The following GRIA3 variants were observed in gnomAD, a reference collection of about 807,000 sequenced individuals.
GRIA3 encodes glutamate receptor 3.
GRIA3 carries 3 observed loss-of-function variants against 63.0 expected under a neutral mutation model. The ratio of observed to expected loss-of-function variants is 0.05; its 90% confidence interval spans 0.02 to 0.12. The LOEUF is 0.12. GRIA3 is among the 10% of genes least tolerant of loss of function. The probability of loss-of-function intolerance (pLI) is 1.00; values close to 1 mark genes in which losing one functional copy is unlikely to be tolerated. For missense variants in GRIA3, 347 were observed against 700.9 expected (o/e 0.50, Z 5.70); for synonymous variants, 274 against 257.9 (o/e 1.06, Z -0.60).
chrX:123,187,882 T>C (rs1927321929), intron 2 of GRIA3, among the ~76,000 whole-genome samples: 1 of 111,369 alleles, frequency 9.0e-6, no homozygotes, highest in Admixed American at 9.5e-5. Context: ...AAGTCATCCA[T>C]ATTGGTATTG....
At chrX:123,242,000 C>T (rs2044332514) in intron 2 of GRIA3, among the ~76,000 whole-genome samples, 1 of 110,983 alleles carries the variant, frequency 9.0e-6, no homozygotes, top group African/African-American at 3.3e-5. Context: ...GGGATGGACC[C>T]ACCTGCCAAT....
intron 3 of GRIA3, among the ~76,000 whole-genome samples, chrX:123,314,331 C>T (rs2044817851): frequency 1.8e-5 from 2 of 112,425 alleles, no homozygotes; most frequent in African/African-American, 6.5e-5. Flanking sequence ...ATGACTCCTG[C>T]CCTCTGTGAG....
intron 5 of GRIA3, among the ~76,000 whole-genome samples, chrX:123,372,874 T>C (rs1459180106): frequency 9.0e-6 from 1 of 110,674 alleles, no homozygotes; most frequent in Non-Finnish European, 1.9e-5. Flanking sequence ...TATTTCTTTT[T>C]TTTTTCTTTT....
rs748083347 is a variant in GRIA3 at position 123,347,451 on chromosome X, A to G, written c.697-7459A>G. ...GAGATATTTACTTTTATTCGAAAAT[A>G]TAAACATGTTCACTCACTTCTTTCA... On this transcript the variant is annotated intron_variant, in intron 4 of 15. Coordinates refer to ENST00000620443, the MANE Select transcript of GRIA3 (RefSeq NM_007325.5). Among the ~76,000 whole-genome samples, 3 of 112,500 alleles carry G rather than the reference A, an allele frequency of 2.7e-5. No individual in the cohort carries two copies. The East Asian group carries it at 8.4e-4, about 31-fold the overall frequency.
intron 3 of GRIA3, among the ~76,000 whole-genome samples, chrX:123,313,639 T>C (rs1312023353): frequency 8.9e-6 from 1 of 111,755 alleles, no homozygotes; most frequent in Non-Finnish European, 1.9e-5. Flanking sequence ...CCTTGCTTTT[T>C]AAAAATTGAG....
chrX:123,187,945 G>A (rs1049226173), intron 2 of GRIA3, among the ~76,000 whole-genome samples: 1 of 111,905 alleles, frequency 8.9e-6, no homozygotes, highest in African/African-American at 3.3e-5. Context: ...CCAGGGGAAA[G>A]GAAAAGAAAT....
intron 2 of GRIA3, among the ~76,000 whole-genome samples, chrX:123,246,328 G>A (rs752295451): frequency 4.6e-4 from 52 of 111,891 alleles, no homozygotes; most frequent in Non-Finnish European, 9.6e-4. Flanking sequence ...TCAGAAGTCT[G>A]GTACAGGTCT....
chrX:123,272,981 T>C (rs1464571733), intron 3 of GRIA3, among the ~76,000 whole-genome samples: 1 of 111,645 alleles, frequency 9.0e-6, no homozygotes, highest in Admixed American at 9.5e-5. Flanking sequence ...TGAGAGCTGG[T>C]GAATGCCACC....
intron 12 of GRIA3, among the ~76,000 whole-genome samples, chrX:123,435,899 T>G (rs1258175180): frequency 8.9e-6 from 1 of 112,029 alleles, no homozygotes; most frequent in East Asian, 2.8e-4. Flanking sequence ...AGGGAGAATA[T>G]TCCTTGCTCT....
chrX:123,355,448 C>A (rs368167446), intron 5 of GRIA3, among the ~76,000 whole-genome samples: 3 of 112,231 alleles, frequency 2.7e-5, no homozygotes, highest in South Asian at 3.7e-4. Flanking sequence ...TTTCTACTTA[C>A]ATAAAACACA....
At chrX:123,353,487 C>T (rs1355842721) in intron 4 of GRIA3, among the ~76,000 whole-genome samples, 1 of 111,483 alleles carries the variant, frequency 9.0e-6, no homozygotes, top group Non-Finnish European at 1.9e-5. Flanking sequence ...CACTTAGCAC[C>T]GTGCCTGCAT....
intron 11 of GRIA3, among the ~76,000 whole-genome samples, chrX:123,427,291 C>G (rs1257437679): frequency 1.8e-5 from 2 of 111,626 alleles, no homozygotes; most frequent in African/African-American, 3.3e-5. Context: ...GGTTTTCAAC[C>G]TTGGTTGCAC....
At chrX:123,353,977 A>T (rs970444846) in intron 4 of GRIA3, among the ~76,000 whole-genome samples, 4 of 112,092 alleles carry the variant, frequency 3.6e-5, no homozygotes, top group African/African-American at 1.3e-4. Context: ...ATTTGATTGG[A>T]AAATATTCAG....
chrX:123,241,563 G>T (rs1000854983), intron 2 of GRIA3, among the ~76,000 whole-genome samples: 2 of 110,449 alleles, frequency 1.8e-5, no homozygotes, highest in East Asian at 5.7e-4. Context: ...AGAATTGGGG[G>T]GTGGGGAGGG....
At chrX:123,427,192 A>G (rs1213779695) in intron 11 of GRIA3, among the ~76,000 whole-genome samples, 1 of 112,439 alleles carries the variant, frequency 8.9e-6, no homozygotes, top group Non-Finnish European at 1.9e-5. Flanking sequence ...CAAAGTGAAT[A>G]GTGCTCATTT....
intron 13 of GRIA3, among the ~76,000 whole-genome samples, chrX:123,473,561 G>C (rs992494642): frequency 9.0e-6 from 1 of 111,514 alleles, no homozygotes; most frequent in African/African-American, 3.3e-5. Context: ...TGGGAAAGAT[G>C]CTTTGCCATC....
intron 3 of GRIA3, among the ~76,000 whole-genome samples, chrX:123,279,377 T>C (rs2044572530): frequency 8.9e-6 from 1 of 111,809 alleles, no homozygotes; most frequent in Non-Finnish European, 1.9e-5. Flanking sequence ...TATGTGCTCT[T>C]ACCACAAAAA....
At chrX:123,285,490 T>G (rs1044301008) in intron 3 of GRIA3, among the ~76,000 whole-genome samples, 1 of 103,541 alleles carries the variant, frequency 9.7e-6, no homozygotes, top group Non-Finnish European at 1.9e-5. Flanking sequence ...ATCGGTGTGC[T>G]GTATTCAGGA....
At chrX:123,304,325 T>C (rs1443461609) in intron 3 of GRIA3, among the ~76,000 whole-genome samples, 1 of 111,727 alleles carries the variant, frequency 9.0e-6, no homozygotes, top group Non-Finnish European at 1.9e-5. Context: ...TTTCCAAGCA[T>C]GCCACATTTC....
Sources: allele counts gnomAD v4.1 joint callset (sites outside exome capture counted in the v4.1 genomes callset), GRCh38; gene constraint gnomAD v4.1.1; transcripts MANE v1.5; gene names NCBI Gene and HGNC (gene_info 2026-07-23, HGNC 2026-07-21).